RBM41: variants seen among roughly 807,000 people sequenced by gnomAD.
The protein encoded by RBM41 is RNA-binding protein 41.
In RBM41, 14 loss-of-function variants were observed where a neutral mutation model predicts 30.8. The ratio of observed to expected loss-of-function variants is 0.45; its 90% confidence interval spans 0.30 to 0.71. The LOEUF (loss-of-function observed/expected upper bound fraction) is 0.71, where lower values mean the gene tolerates loss of function less well. Ranked by LOEUF, RBM41 falls within the 30% of genes least tolerant of loss-of-function variation. The pLI, the probability that RBM41 is intolerant of heterozygous loss-of-function variation, is 0.08. For synonymous variants in RBM41, 120 were observed against 110.1 expected (o/e 1.09, Z -0.56); for missense variants, 276 against 326.3 (o/e 0.85, Z 1.19).
intron 5 of RBM41, among the ~76,000 whole-genome samples, chrX:107,102,282 G>A (rs6616627): frequency 0.16 from 17,194 of 110,816 alleles, 1,240 homozygotes; most frequent in East Asian, 0.46. Context: ...GAAGATGCAG[G>A]CTAGTTTCTC....
At chrX:107,060,058 T>G (rs1230495972), downstream of RBM41, among the ~76,000 whole-genome samples, 3 of 110,228 alleles carry the variant, frequency 2.7e-5, no homozygotes, top group Admixed American at 2.9e-4. Context: ...GGGCAAAAAT[T>G]GGGGACATGT....
At chrX:107,093,442 G>A (rs966136818) in intron 5 of RBM41, among the ~76,000 whole-genome samples, 3 of 111,671 alleles carry the variant, frequency 2.7e-5, no homozygotes, top group African/African-American at 6.5e-5. Flanking sequence ...TGTAAGAAAC[G>A]GGAAAACACA....
At position 107,099,700 on chromosome X, in the gene RBM41, C is replaced by A. The variant is rs184761844; in HGVS notation, c.596-10861G>T. 5.5e-3 allele frequency among the ~76,000 whole-genome samples: 598 copies of A among 108,700 alleles called. 4 individuals are homozygous for A. The highest frequency in any genetic ancestry group is 0.02 in the African/African-American group (581 of 29,654). 94.4% of individuals were successfully genotyped at this position (108,700 alleles called of 115,157 possible). On this transcript the variant is annotated intron_variant, in intron 5 of 7. Coordinates refer to ENST00000685964, the MANE Select transcript of RBM41 (RefSeq NM_001324242.2). ...TGACATCCTGAAAGGTACACACACACACACACACACACACACACACACACA... is the reference window on the plus strand; with the variant it reads ...TGACATCCTGAAAGGTACACACACAAACACACACACACACACACACACACA...
chrX:107,116,258 T>C lies in RBM41; in HGVS notation c.126-204A>G, dbSNP rs773722109. The C allele has an allele frequency of 8.4e-6, 8 of 957,293 alleles. No individual in the cohort carries two copies. The South Asian group carries it at 3.5e-4, about 42-fold the overall frequency. The allele number at this position is 957,293 out of a possible 1,213,427, so 78.9% of individuals were successfully genotyped here. ...AGGAATAATAAACTAAATCAACAAA[T>C]ATTTATTGAGTACTTACTATGCATC... On this transcript the variant is annotated intron_variant, in intron 2 of 7. Transcript: ENST00000685964.
the RBM41 span, among the ~76,000 whole-genome samples, chrX:107,054,068 G>C: frequency 1.7e-4 from 19 of 110,411 alleles, no homozygotes; most frequent in African/African-American, 5.9e-4. Flanking sequence ...CAGCATGGAG[G>C]GGGTGCAGTG....
In RBM41 at chrX:107,066,095, G is replaced by A. The variant is rs1181371426; in HGVS notation, c.*1432C>T. Among the ~76,000 whole-genome samples the A allele has an allele frequency of 8.9e-6, 1 of 111,781 alleles. No homozygotes were observed. The highest frequency in any genetic ancestry group is 1.9e-5 in the Non-Finnish European group (1 of 53,086). ...TGAAAAATAGTTTTATTGTATATAG[G>A]ATTATTGGTTGACAGTTATTTTCTT... On this transcript the variant is annotated 3_prime_UTR_variant, in exon 8 of 8. Transcript: ENST00000685964.
chrX:107,111,310 C>T (rs1924446862), intron 5 of RBM41, among the ~76,000 whole-genome samples: 1 of 111,237 alleles, frequency 9.0e-6, no homozygotes, highest in Non-Finnish European at 1.9e-5. Flanking sequence ...CACTAATCAT[C>T]AGGGAAATTG....
At chrX:107,117,244 G>A (rs1342885692) in intron 1 of RBM41, among the ~76,000 whole-genome samples, 1 of 111,629 alleles carries the variant, frequency 9.0e-6, no homozygotes, top group African/African-American at 3.3e-5. Context: ...GAGTACAAAG[G>A]GATAGTAATA....
In RBM41 at chrX:107,118,781, C is replaced by T. The variant is rs1925105726; in HGVS notation, c.-8G>A. 1 of 1,210,088 alleles carries T rather than the reference C, an allele frequency of 8.3e-7. No individual in the cohort carries two copies. The highest frequency in any genetic ancestry group is 2.2e-5 in the Admixed American group (1 of 45,849). On this transcript the variant is annotated 5_prime_UTR_variant, in exon 1 of 8. It adds an upstream start codon to the 5' untranslated region. Coordinates refer to ENST00000685964, the MANE Select transcript of RBM41 (RefSeq NM_001324242.2). Reference sequence around the variant, plus strand: ...AAGTCCTTACCTCTTCATGTTTCCACAGGCCCCTACCTCCAACTTGGGTAA... The same window carrying T: ...AAGTCCTTACCTCTTCATGTTTCCATAGGCCCCTACCTCCAACTTGGGTAA...
At chrX:107,101,640 C>T (rs1923473267) in intron 5 of RBM41, among the ~76,000 whole-genome samples, 1 of 111,902 alleles carries the variant, frequency 8.9e-6, no homozygotes, top group Admixed American at 9.5e-5. Context: ...CTCAGAGCCA[C>T]TAGAAGGACC....
chrX:107,105,189 T>G (rs1923847652), intron 5 of RBM41, among the ~76,000 whole-genome samples: 1 of 111,485 alleles, frequency 9.0e-6, no homozygotes, highest in African/African-American at 3.3e-5. Context: ...ACAAAATCAA[T>G]GTGCAAAAAT....
At chrX:107,059,045 G>A (rs1935606474), downstream of RBM41, among the ~76,000 whole-genome samples, 1 of 111,443 alleles carries the variant, frequency 9.0e-6, no homozygotes, top group Non-Finnish European at 1.9e-5. Flanking sequence ...GATTCTTGAA[G>A]GTAGTGACTC....
chrX:107,055,546 T>G, the RBM41 span, among the ~76,000 whole-genome samples: 38 of 112,133 alleles, frequency 3.4e-4, no homozygotes, highest in Non-Finnish European at 1.7e-4. Context: ...GGATGGTCTC[T>G]ATCTCCTGAC....
At chrX:107,056,004 C>G in the RBM41 span, among the ~76,000 whole-genome samples, 9 of 112,286 alleles carry the variant, frequency 8.0e-5, no homozygotes, top group Admixed American at 5.6e-4. Context: ...AGGTGGAAGA[C>G]CACTGAGTAT....
At chrX:107,101,530 C>T (rs1236610742) in intron 5 of RBM41, among the ~76,000 whole-genome samples, 1 of 111,265 alleles carries the variant, frequency 9.0e-6, no homozygotes, top group Non-Finnish European at 1.9e-5. Context: ...CAGTCAACAA[C>T]CAGAATGCCA....
intron 5 of RBM41, among the ~76,000 whole-genome samples, chrX:107,112,022 T>C (rs1040246844): frequency 1.8e-5 from 2 of 111,489 alleles, no homozygotes; most frequent in East Asian, 2.8e-4. Context: ...GTGGTTTAAA[T>C]GGTAAATTTT....
At chrX:107,117,802 C>G (rs1359338127) in intron 1 of RBM41, among the ~76,000 whole-genome samples, 1 of 111,187 alleles carries the variant, frequency 9.0e-6, no homozygotes, top group Non-Finnish European at 1.9e-5. Context: ...CAGGGGGGAA[C>G]GAAGGGAGGG....
At position 107,065,675 on chromosome X, in the gene RBM41, C is replaced by A. The variant is rs1433884402; in HGVS notation, c.*1852G>T. On this transcript the variant is annotated 3_prime_UTR_variant, in exon 8 of 8. Transcript: ENST00000685964. ...ACTTATTTCCTATTTCACGTTCTCT[C>A]CATTTGTTCCTGTGGATTTGTCTTA... 5.7e-6 allele frequency: 6 copies of A among 1,053,249 alleles called. No individual in the cohort carries two copies. Among genetic ancestry groups the A allele is most frequent in the African/African-American group, 3.9e-5 (2 of 51,853 alleles). 86.8% of individuals were successfully genotyped at this position (1,053,249 alleles called of 1,213,427 possible).
At chrX:107,103,757 T>C (rs1923672929) in intron 5 of RBM41, among the ~76,000 whole-genome samples, 1 of 111,870 alleles carries the variant, frequency 8.9e-6, no homozygotes, top group African/African-American at 3.2e-5. Flanking sequence ...TACTGTACAA[T>C]TCCAGTTATA....
Sources: allele counts gnomAD v4.1 joint callset (sites outside exome capture counted in the v4.1 genomes callset), GRCh38; gene constraint gnomAD v4.1.1; transcripts MANE v1.5; gene names NCBI Gene and HGNC (gene_info 2026-07-23, HGNC 2026-07-21).